The following TOR1AIP1 variants were observed in gnomAD, a reference collection of about 807,000 sequenced individuals.
The protein encoded by TOR1AIP1 is torsin-1A-interacting protein 1.
A neutral mutation model predicts 63.3 loss-of-function variants in TOR1AIP1; 54 were observed. The ratio of observed to expected loss-of-function variants is 0.85; its 90% confidence interval spans 0.69 to 1.07. The LOEUF (loss-of-function observed/expected upper bound fraction) is 1.07, where lower values mean the gene tolerates loss of function less well. Ranked by LOEUF, TOR1AIP1 falls within the 50% of genes least tolerant of loss-of-function variation. TOR1AIP1 has a pLI of 0.00. For synonymous variants in TOR1AIP1, 294 were observed against 273.5 expected (o/e 1.07, Z -0.74); for missense variants, 736 against 715.0 (o/e 1.03, Z -0.33).
rs3831228 is a variant in TOR1AIP1 at position 179,884,516 on chromosome 1, CAA to C, written c.476-175_476-174del. Among the ~76,000 whole-genome samples the C allele has an allele frequency of 0.32, 49,273 of 151,898 alleles. 8,230 individuals are homozygous for C. Among genetic ancestry groups the C allele is most frequent in the African/African-American group, 0.38 (15,616 of 41,402 alleles). ...CTGTTGAATTCATTGTATTCTGTCT[CAA>C]GAGGAGTTCTGACTGGTATATTTCC... On this transcript the variant is annotated intron_variant, in intron 1 of 9. Transcript: ENST00000606911.
chr1:179,907,719 G>T, intron 6 of TOR1AIP1, 104 bp from the exon 7 acceptor site: 1 of 652,894 alleles, frequency 1.5e-6, no homozygotes, highest in Non-Finnish European at 2.5e-6. Context: ...TTTGTCTGTT[G>T]TTTGTTTTTA....
At chr1:179,910,490 A>G (rs567199701) in intron 8 of TOR1AIP1, among the ~76,000 whole-genome samples, 42 of 152,284 alleles carry the variant, frequency 2.8e-4, no homozygotes, top group Non-Finnish European at 5.0e-4. Flanking sequence ...GCAGTCTAGA[A>G]CCGAAATAAC....
chr1:179,882,753 G>A lies in TOR1AIP1; in HGVS notation c.251G>A (p.Arg84Gln), dbSNP rs1647758642. ...AAAGAAAGGTCCCCGGTGGGAAAAC[G>A]AACCCGGCTAGAAGAGTTCCGGTCC... The part of the protein sequence containing the change: ...VAKERSPVGK[R>Q]TRLEEFRSDS... Residue 84 changes from arginine (R) to glutamine (Q), a missense_variant, in exon 1 of 10, where the codon CGA (arginine) becomes CAA (glutamine). Coordinates refer to ENST00000606911, the MANE Select transcript of TOR1AIP1 (RefSeq NM_015602.4). 2 of 1,614,172 alleles carry A rather than the reference G, an allele frequency of 1.2e-6. No homozygotes were observed. The highest frequency in any genetic ancestry group is 1.3e-5 in the African/African-American group (1 of 75,048).
At chr1:179,906,487 T>A (rs530578955) in intron 6 of TOR1AIP1, among the ~76,000 whole-genome samples, 1 of 152,228 alleles carries the variant, frequency 6.6e-6, no homozygotes, top group East Asian at 1.9e-4. Context: ...TACCTTGTTA[T>A]AATTGTAATG....
chr1:179,901,144 G>T (rs1648452991), intron 4 of TOR1AIP1, 158 bp from the exon 5 acceptor site: 2 of 453,530 alleles, frequency 4.4e-6, no homozygotes, highest in Non-Finnish European at 7.8e-6. Context: ...TTGGAACTTT[G>T]GGATTCAAAA....
At chr1:179,883,098 T>G in intron 1 of TOR1AIP1, 121 bp downstream of exon 1, 2 of 906,944 alleles carry the variant, frequency 2.2e-6, no homozygotes, top group Non-Finnish European at 3.4e-6. Flanking sequence ...TAAAGGGTAT[T>G]CCTCAGCCCC....
chr1:179,882,528 A>AG lies in TOR1AIP1; in HGVS notation c.28dup (p.Ala10GlyfsTer100). On this transcript the variant is annotated frameshift_variant, in exon 1 of 10. Coordinates refer to ENST00000606911, the MANE Select transcript of TOR1AIP1 (RefSeq NM_015602.4). LOFTEE classifies it high-confidence loss of function. Reference sequence around the variant, plus strand: ...ATGGCGGGCGACGGGCGGCGGGCAGAGGCGGTGCGGGAAGGATGGGGTGTG... The same window carrying AG: ...ATGGCGGGCGACGGGCGGCGGGCAGAGGGCGGTGCGGGAAGGATGGGGTGTG... 6.8e-7 allele frequency: 1 copy of AG among 1,463,826 alleles called. No homozygotes were observed. The highest frequency in any genetic ancestry group is 9.0e-7 in the Non-Finnish European group (1 of 1,108,422). 90.7% of individuals were successfully genotyped at this position (1,463,826 alleles called of 1,614,324 possible). A position where few individuals can be genotyped will look rare whatever the true frequency, so the allele number is the denominator to read the frequency against.
rs147285159 is a variant in TOR1AIP1, at chr1:179,898,319, A to G, written c.611-1807A>G. On this transcript the variant is annotated intron_variant, in intron 3 of 9. Transcript: ENST00000606911. ...ATGAGATGGGAATCAGATGACATTC[A>G]TGAAGGGTTTTTTGAAAATCAAATA... Among the ~76,000 whole-genome samples the G allele has an allele frequency of 8.3e-3, 1,263 of 152,284 alleles. 19 individuals are homozygous for G. The highest frequency in any genetic ancestry group is 0.03 in the African/African-American group (1,228 of 41,548).
chr1:179,909,582 T>G (rs1244155494), intron 8 of TOR1AIP1, among the ~76,000 whole-genome samples: 1 of 151,974 alleles, frequency 6.6e-6, no homozygotes, highest in Non-Finnish European at 1.5e-5. Flanking sequence ...AGCTAATTTT[T>G]GTATTGTTAC....
intron 8 of TOR1AIP1, among the ~76,000 whole-genome samples, chr1:179,913,075 A>G (rs930490526): frequency 9.2e-5 from 14 of 152,026 alleles, no homozygotes; most frequent in Admixed American, 2.6e-4. Flanking sequence ...GCTAAGAAAG[A>G]TGGAAGGGAA....
At position 179,882,442 on chromosome 1, in the gene TOR1AIP1, G is replaced by A; in HGVS notation, c.-61G>A. 1.5e-6 allele frequency: 2 copies of A among 1,349,840 alleles called. No homozygotes were observed. Among genetic ancestry groups the A allele is most frequent in the Non-Finnish European group, 1.9e-6 (2 of 1,042,876 alleles). 83.6% of individuals were successfully genotyped at this position (1,349,840 alleles called of 1,614,324 possible). A position where few individuals can be genotyped will look rare whatever the true frequency, so the allele number is the denominator to read the frequency against. On this transcript the variant is annotated 5_prime_UTR_variant, in exon 1 of 10. Transcript: ENST00000606911. The stretch of plus-strand genomic sequence containing the variant: ...CCCCGAGAAGCCATCGCCACCACCG[G>A]CAGGAGAACCTAGGGTCCATAAAGC...
chr1:179,913,741 C>G, intron 8 of TOR1AIP1: 1 of 687,790 alleles, frequency 1.5e-6, no homozygotes, highest in Non-Finnish European at 2.6e-6. Flanking sequence ...TCCAAACTTT[C>G]TCTCAAAACT....
chr1:179,908,588 A>C lies in TOR1AIP1; in HGVS notation c.839-17A>C. 1 of 1,604,860 alleles carries C rather than the reference A, an allele frequency of 6.2e-7. No homozygotes were observed. Among genetic ancestry groups the C allele is most frequent in the Non-Finnish European group, 8.5e-7 (1 of 1,172,982 alleles). Reference sequence around the variant, plus strand: ...AAAGTATGGGAAATTATCTTTTGATATATGTATTTGCTTCAGGCTCAGGAT... The same window carrying C: ...AAAGTATGGGAAATTATCTTTTGATCTATGTATTTGCTTCAGGCTCAGGAT... On this transcript the variant is annotated splice_polypyrimidine_tract_variant and intron_variant, in intron 7 of 9. Coordinates refer to ENST00000606911, the MANE Select transcript of TOR1AIP1 (RefSeq NM_015602.4).
chr1:179,901,942 G>C (rs1648479281), intron 5 of TOR1AIP1, among the ~76,000 whole-genome samples: 1 of 149,292 alleles, frequency 6.7e-6, no homozygotes, highest in Admixed American at 6.7e-5. Context: ...TGTAAACTCT[G>C]TAAATAATGA....
At chr1:179,907,714 CTGTT>C in intron 6 of TOR1AIP1, 105 bp from the exon 7 acceptor site, 2 of 588,098 alleles carry the variant, frequency 3.4e-6, no homozygotes, top group Non-Finnish European at 5.6e-6. Context: ...TGTTTTTTGT[CTGTT>C]GTTTGTTTTT....
chr1:179,907,799 C>T, intron 6 of TOR1AIP1, 24 bp from the exon 7 acceptor site: 1 of 1,580,536 alleles, frequency 6.3e-7, no homozygotes, highest in Non-Finnish European at 8.6e-7. Context: ...TATTCTATGA[C>T]CTTATCCCTG....
rs543150451 is a variant in TOR1AIP1, at chr1:179,915,498, G to A, written c.964+1444G>A. Among the ~76,000 whole-genome samples, 69 of 152,386 alleles carry A rather than the reference G, an allele frequency of 4.5e-4. No individual in the cohort carries two copies. In the South Asian group the frequency reaches 0.014, roughly 31 times the overall value. ...AGGGTGGGGTTCGTGGCCCATGCCTGTAATCCCAACATTTTGGGAGGCCCA... is the reference window on the plus strand; with the variant it reads ...AGGGTGGGGTTCGTGGCCCATGCCTATAATCCCAACATTTTGGGAGGCCCA... On this transcript the variant is annotated intron_variant, in intron 9 of 9. Transcript: ENST00000606911.
rs540652613 is a variant in TOR1AIP1, at chr1:179,903,900, T to C, written c.740-66T>C. 18 of 1,138,800 alleles carry C rather than the reference T, an allele frequency of 1.6e-5. No individual in the cohort carries two copies. In the South Asian group the frequency reaches 2.6e-4, roughly 17 times the overall value. 70.5% of individuals were successfully genotyped at this position (1,138,800 alleles called of 1,614,324 possible). On this transcript the variant is annotated intron_variant, in intron 5 of 9. Coordinates refer to ENST00000606911, the MANE Select transcript of TOR1AIP1 (RefSeq NM_015602.4). ...GCTCTTTTTATTAATTTCTCACTGT[T>C]GTCTTGTAAAATGTACAGTCTAAAA...
In TOR1AIP1 at chr1:179,907,141, T is replaced by C. The variant is rs143751370; in HGVS notation, c.797-682T>C. 8.0e-4 allele frequency among the ~76,000 whole-genome samples: 122 copies of C among 151,704 alleles called. 1 individual carries two copies. In the East Asian group the frequency reaches 0.021, roughly 26 times the overall value. ...GCTCATGCCTGTAATCCCAGCACTTTGGGAGGGCGAGGCAGGCAGAGCATT... is the reference window on the plus strand; with the variant it reads ...GCTCATGCCTGTAATCCCAGCACTTCGGGAGGGCGAGGCAGGCAGAGCATT... On this transcript the variant is annotated intron_variant, in intron 6 of 9. Coordinates refer to ENST00000606911, the MANE Select transcript of TOR1AIP1 (RefSeq NM_015602.4).
Sources: gnomAD v4.1 joint callset for allele counts (sites outside exome capture counted in the v4.1 genomes callset) on GRCh38, gnomAD v4.1.1 for gene constraint, MANE v1.5 for transcripts, NCBI Gene and HGNC (gene_info 2026-07-23, HGNC 2026-07-21) for gene names.